The following ZFAND3 variants were observed in gnomAD, a reference collection of about 807,000 sequenced individuals.
ZFAND3 encodes the protein zinc finger AN1-type containing 3, also known as AN1-type zinc finger protein 3.
A neutral mutation model predicts 29.6 loss-of-function variants in ZFAND3; 10 were observed. That is an observed-to-expected ratio of 0.34 (90% CI 0.21 to 0.57). The LOEUF is 0.57. Among genes scored for constraint, ZFAND3 ranks in the 20% least tolerant of loss-of-function variants. The probability of loss-of-function intolerance (pLI) is 0.86; values close to 1 mark genes in which losing one functional copy is unlikely to be tolerated. For synonymous variants in ZFAND3, 128 were observed against 112.6 expected, an observed-to-expected ratio of 1.14 and a Z score of -0.87; for missense variants, 230 against 304.5, an observed-to-expected ratio of 0.76 and a Z score of 1.82.
intron 3 of ZFAND3, among the ~76,000 whole-genome samples, chr6:38,081,402 C>T (rs985729421): frequency 2.6e-5 from 4 of 152,054 alleles, no homozygotes; most frequent in East Asian, 3.9e-4. Flanking sequence ...CCATGAATCT[C>T]GGCACTATAC....
intron 1 of ZFAND3, among the ~76,000 whole-genome samples, chr6:37,840,314 G>A (rs1208034886): frequency 6.6e-6 from 1 of 152,034 alleles, no homozygotes; most frequent in Non-Finnish European, 1.5e-5. Flanking sequence ...GCTCAGGCTG[G>A]TCTTGAACTC....
At chr6:38,032,439 A>T (rs1763579670) in intron 2 of ZFAND3, among the ~76,000 whole-genome samples, 1 of 152,208 alleles carries the variant, frequency 6.6e-6, no homozygotes, top group Non-Finnish European at 1.5e-5. Context: ...ATGTCATTTG[A>T]ACTCTGCTCA....
chr6:38,137,927 T>A (rs1337544291), intron 5 of ZFAND3, among the ~76,000 whole-genome samples: 1 of 152,172 alleles, frequency 6.6e-6, no homozygotes, highest in Non-Finnish European at 1.5e-5. Flanking sequence ...GGGGCTTGCA[T>A]GTCTTTGCAA....
At chr6:38,032,550 A>G (rs1308435906) in intron 2 of ZFAND3, among the ~76,000 whole-genome samples, 2 of 152,238 alleles carry the variant, frequency 1.3e-5, no homozygotes, top group African/African-American at 4.8e-5. Flanking sequence ...CTGAGCACCT[A>G]CTTTACTTAA....
At chr6:38,124,357 A>G (rs1765590174) in intron 5 of ZFAND3, among the ~76,000 whole-genome samples, 2 of 152,188 alleles carry the variant, frequency 1.3e-5, no homozygotes, top group African/African-American at 4.8e-5. Context: ...AGTTGATGGG[A>G]CCGGGCGCCA....
chr6:37,862,704 T>TA (rs199653967), intron 1 of ZFAND3, among the ~76,000 whole-genome samples: 5 of 148,960 alleles, frequency 3.4e-5, no homozygotes, highest in African/African-American at 5.0e-5. Context: ...ATCCTGTCTC[T>TA]AAAAAAAACA....
intron 1 of ZFAND3, among the ~76,000 whole-genome samples, chr6:37,837,411 G>A (rs1763988001): frequency 6.6e-6 from 1 of 151,838 alleles, no homozygotes; most frequent in Non-Finnish European, 1.5e-5. Flanking sequence ...TTTGCTATAT[G>A]TAACTGCTCT....
intron 2 of ZFAND3, among the ~76,000 whole-genome samples, chr6:37,940,602 A>G (rs1304773284): frequency 2.0e-5 from 3 of 152,168 alleles, no homozygotes; most frequent in East Asian, 1.9e-4. Context: ...TGCAGGCTGT[A>G]CAGGAAGCAT....
At chr6:37,841,924 CAG>C (rs1211580194) in intron 1 of ZFAND3, among the ~76,000 whole-genome samples, 1 of 152,086 alleles carries the variant, frequency 6.6e-6, no homozygotes, top group Non-Finnish European at 1.5e-5. Flanking sequence ...AATTTATAAA[CAG>C]TGTAAATTTA....
intron 1 of ZFAND3, among the ~76,000 whole-genome samples, chr6:37,895,579 T>C (rs1320542164): frequency 2.6e-5 from 4 of 151,340 alleles, no homozygotes; most frequent in Admixed American, 6.6e-5. Flanking sequence ...TATTTATTGG[T>C]TTAATGTCTT....
chr6:38,035,815 C>A (rs200495411), intron 2 of ZFAND3, among the ~76,000 whole-genome samples: 1 of 152,152 alleles, frequency 6.6e-6, no homozygotes, highest in African/African-American at 2.4e-5. Flanking sequence ...GCTTGGTTGA[C>A]CTTCTAGGTG....
intron 1 of ZFAND3, among the ~76,000 whole-genome samples, chr6:37,846,899 G>A (rs928845429): frequency 6.6e-6 from 1 of 151,916 alleles, no homozygotes; most frequent in African/African-American, 2.4e-5. Flanking sequence ...TTTTAATAGA[G>A]ATGGGGTTTC....
At chr6:37,898,379 A>G (rs1765258381) in intron 1 of ZFAND3, among the ~76,000 whole-genome samples, 1 of 152,214 alleles carries the variant, frequency 6.6e-6, no homozygotes, top group Non-Finnish European at 1.5e-5. Context: ...TTTCTACATC[A>G]GTGACATGCT....
In ZFAND3 at chr6:37,819,835, C is replaced by CCG; in HGVS notation, c.-111_-110insCG. 1.5e-6 allele frequency: 1 copy of CCG among 649,008 alleles called. No individual in the cohort carries two copies. The highest frequency in any genetic ancestry group is 2.0e-6 in the Non-Finnish European group (1 of 495,792). The allele number at this position is 649,008 out of a possible 1,614,324, so 40.2% of individuals were successfully genotyped here. A position where few individuals can be genotyped will look rare whatever the true frequency, so the allele number is the denominator to read the frequency against. ...CCGCCCGCGCGCCCGCTCCTTCCCC[C>CCG]TCCCCCCGCCCCGAGCCCCCCGACG... is the stretch of plus-strand genomic sequence containing the variant. On this transcript the variant is annotated 5_prime_UTR_variant, in exon 1 of 6. Coordinates refer to ENST00000287218, the MANE Select transcript of ZFAND3 (RefSeq NM_021943.3).
At chr6:38,101,800 A>G (rs9462381) in intron 4 of ZFAND3, among the ~76,000 whole-genome samples, 4,303 of 142,660 alleles carry the variant, frequency 0.03, 188 homozygotes, top group African/African-American at 0.09. Context: ...AAAAAAAAAG[A>G]CTAAATTTTG....
chr6:37,973,370 C>T (rs1762423883), intron 2 of ZFAND3, among the ~76,000 whole-genome samples: 1 of 152,184 alleles, frequency 6.6e-6, no homozygotes, highest in African/African-American at 2.4e-5. Flanking sequence ...ACTGTTACAA[C>T]ACCACTTATG....
intron 1 of ZFAND3, among the ~76,000 whole-genome samples, chr6:37,918,384 G>A (rs1334551754): frequency 6.6e-6 from 1 of 151,096 alleles, no homozygotes; most frequent in Admixed American, 6.6e-5. Flanking sequence ...CTGTGTAGAT[G>A]TCTTTTCCTG....
chr6:37,925,610 C>T (rs891994858), intron 1 of ZFAND3, among the ~76,000 whole-genome samples: 14 of 150,158 alleles, frequency 9.3e-5, no homozygotes, highest in South Asian at 8.5e-4. Context: ...AGGCTGAGGC[C>T]GGAGAATCGC....
At chr6:38,013,738 C>CA (rs1178233767) in intron 2 of ZFAND3, among the ~76,000 whole-genome samples, 10 of 145,046 alleles carry the variant, frequency 6.9e-5, no homozygotes, top group South Asian at 4.3e-4. Context: ...AAAAAAAAAA[C>CA]AAAAAAAACC....
Sources: gnomAD v4.1 joint callset for allele counts (sites outside exome capture counted in the v4.1 genomes callset) on GRCh38, gnomAD v4.1.1 for gene constraint, MANE v1.5 for transcripts, NCBI Gene and HGNC (gene_info 2026-07-23, HGNC 2026-07-21) for gene names.